The following STXBP5L variants were observed in gnomAD, a reference collection of about 807,000 sequenced individuals.
STXBP5L encodes syntaxin-binding protein 5-like.
STXBP5L carries 65 observed loss-of-function variants against 144.5 expected under a neutral mutation model. The observed-to-expected ratio is 0.45, with a 90% confidence interval of 0.37 to 0.55. STXBP5L has a LOEUF of 0.55. Among genes scored for constraint, STXBP5L ranks in the 20% least tolerant of loss-of-function variants. STXBP5L has a pLI of 0.00. For synonymous variants in STXBP5L, 505 were observed against 469.6 expected (o/e 1.08, Z -0.97); for missense variants, 1,298 against 1,405.5 (o/e 0.92, Z 1.22).
In STXBP5L at chr3:121,348,619, T is replaced by A. The variant is rs1432980473; in HGVS notation, c.2176+30079T>A. ...TTTTTGGTTGGTAAGCTATTAATTATTACCTCAATTTCAAAGCCTGTTATT... is the reference window on the plus strand; with the variant it reads ...TTTTTGGTTGGTAAGCTATTAATTAATACCTCAATTTCAAAGCCTGTTATT... On this transcript the variant is annotated intron_variant, in intron 20 of 26. Coordinates refer to ENST00000471454, the MANE Select transcript of STXBP5L (RefSeq NM_001308330.2). Among the ~76,000 whole-genome samples, 3 of 152,212 alleles carry A rather than the reference T, an allele frequency of 2.0e-5. No individual in the cohort carries two copies. In the East Asian group the frequency reaches 5.8e-4, roughly 29 times the overall value.
chr3:120,969,662 T>C (rs1289348597), intron 3 of STXBP5L, among the ~76,000 whole-genome samples: 6 of 152,084 alleles, frequency 3.9e-5, no homozygotes, highest in African/African-American at 1.4e-4. Flanking sequence ...CTTGTAGAAT[T>C]TTTATCGTTT....
chr3:121,328,187 T>C lies in STXBP5L; in HGVS notation c.2176+9647T>C, dbSNP rs901273222. Among the ~76,000 whole-genome samples the C allele has an allele frequency of 9.8e-5, 15 of 152,314 alleles. No individual in the cohort carries two copies. In the East Asian group the frequency reaches 2.7e-3, roughly 27 times the overall value. On this transcript the variant is annotated intron_variant, in intron 20 of 26. Transcript: ENST00000471454. ...ATAAATTATTTCTGACATGGAATAC[T>C]ATAGAATGACAATCTTTTCTTGCCA... is the stretch of plus-strand genomic sequence containing the variant.
At chr3:121,051,708 C>G (rs1948011328) in intron 5 of STXBP5L, among the ~76,000 whole-genome samples, 1 of 151,970 alleles carries the variant, frequency 6.6e-6, no homozygotes, top group African/African-American at 2.4e-5. Flanking sequence ...CATTCAAAAG[C>G]TAGCAGAAGG....
intron 6 of STXBP5L, among the ~76,000 whole-genome samples, chr3:121,119,418 A>G (rs1559768428): frequency 6.6e-6 from 1 of 151,412 alleles, no homozygotes; most frequent in Non-Finnish European, 1.5e-5. Context: ...ACAGGATACC[A>G]TAGAATATCA....
chr3:121,319,715 T>C (rs562869728), intron 20 of STXBP5L, among the ~76,000 whole-genome samples: 2 of 152,348 alleles, frequency 1.3e-5, no homozygotes, highest in Admixed American at 1.3e-4. Flanking sequence ...TGTTGTAAAA[T>C]TAATATTCTT....
At chr3:121,056,751 G>A (rs887792040) in intron 5 of STXBP5L, among the ~76,000 whole-genome samples, 1 of 151,882 alleles carries the variant, frequency 6.6e-6, no homozygotes, top group South Asian at 2.1e-4. Context: ...TAATTAATTT[G>A]TTTTTTCTTT....
At chr3:121,375,416 C>T (rs898325603) in intron 20 of STXBP5L, among the ~76,000 whole-genome samples, 2 of 152,088 alleles carry the variant, frequency 1.3e-5, no homozygotes, top group African/African-American at 4.8e-5. Flanking sequence ...TTTTACCTGA[C>T]CCTGTAGTCA....
At chr3:121,225,869 T>C (rs544920578) in intron 11 of STXBP5L, among the ~76,000 whole-genome samples, 5 of 152,326 alleles carry the variant, frequency 3.3e-5, no homozygotes, top group African/African-American at 1.2e-4. Flanking sequence ...TCCTCGTGCA[T>C]TATGAAGCCC....
At chr3:121,259,692 A>C (rs1389271797) in intron 18 of STXBP5L, among the ~76,000 whole-genome samples, 1 of 152,034 alleles carries the variant, frequency 6.6e-6, no homozygotes, top group Non-Finnish European at 1.5e-5. Context: ...TGTTACTTTA[A>C]ATATGTGTTT....
intron 20 of STXBP5L, among the ~76,000 whole-genome samples, chr3:121,330,194 G>A (rs1325492355): frequency 6.6e-6 from 1 of 152,204 alleles, no homozygotes. Context: ...TCTGAGTGCA[G>A]ACTGCTCAGA....
intron 5 of STXBP5L, chr3:121,099,069 A>C (rs2043283178): frequency 6.6e-6 from 1 of 152,210 alleles, no homozygotes; most frequent in African/African-American, 2.4e-5. Context: ...GTATCAATAA[A>C]GGGAGAATTC....
At chr3:121,052,374 G>A (rs541043008) in intron 5 of STXBP5L, among the ~76,000 whole-genome samples, 2 of 152,262 alleles carry the variant, frequency 1.3e-5, no homozygotes, top group South Asian at 2.1e-4. Flanking sequence ...GAATCCAGCA[G>A]CACATCAAAA....
intron 20 of STXBP5L, among the ~76,000 whole-genome samples, chr3:121,376,083 C>T (rs1002186616): frequency 2.0e-5 from 3 of 152,208 alleles, no homozygotes; most frequent in African/African-American, 4.8e-5. Flanking sequence ...ACAAGACCGA[C>T]AATCGTAATT....
At chr3:120,980,456 C>T (rs1486555528) in intron 3 of STXBP5L, among the ~76,000 whole-genome samples, 1 of 112,078 alleles carries the variant, frequency 8.9e-6, no homozygotes, top group African/African-American at 3.6e-5. Flanking sequence ...CATATAATGT[C>T]CTGCTTTTTT....
In STXBP5L at chr3:121,310,601, G is replaced by A. The variant is rs1012235567; in HGVS notation, c.2111-7874G>A. On this transcript the variant is annotated intron_variant, in intron 19 of 26. Coordinates refer to ENST00000471454, the MANE Select transcript of STXBP5L (RefSeq NM_001308330.2). Reference sequence around the variant, plus strand: ...CTGCACTCCAGCCTGGGTGACAGAGGGAGACTCCGCCTCAAAAACAAAAGA... The same window carrying A: ...CTGCACTCCAGCCTGGGTGACAGAGAGAGACTCCGCCTCAAAAACAAAAGA... 5.7e-4 allele frequency among the ~76,000 whole-genome samples: 83 copies of A among 144,848 alleles called. 1 individual carries two copies. The highest frequency in any genetic ancestry group is 2.0e-3 in the African/African-American group (78 of 38,750).
At chr3:121,306,347 G>T (rs945539950) in intron 19 of STXBP5L, among the ~76,000 whole-genome samples, 4 of 152,040 alleles carry the variant, frequency 2.6e-5, no homozygotes, top group Admixed American at 6.6e-5. Context: ...GCTCCCTTCT[G>T]ACCATTCCCC....
At chr3:121,262,699 C>T (rs760342616) in intron 18 of STXBP5L, among the ~76,000 whole-genome samples, 1 of 152,186 alleles carries the variant, frequency 6.6e-6, no homozygotes, top group Non-Finnish European at 1.5e-5. Flanking sequence ...TCTTCTCCAA[C>T]TGTTACCTTA....
At chr3:120,977,897 T>A (rs992647388) in intron 3 of STXBP5L, among the ~76,000 whole-genome samples, 28 of 152,362 alleles carry the variant, frequency 1.8e-4, no homozygotes, top group African/African-American at 6.7e-4. Context: ...GCTTGCAGAT[T>A]TTCTGCCAAG....
chr3:121,176,724 G>A (rs143615689), intron 9 of STXBP5L, among the ~76,000 whole-genome samples: 7 of 151,756 alleles, frequency 4.6e-5, no homozygotes, highest in African/African-American at 1.7e-4. Flanking sequence ...AAGAACAAAT[G>A]TTCTCATCTA....
Sources: allele counts gnomAD v4.1 joint callset (sites outside exome capture counted in the v4.1 genomes callset), GRCh38; gene constraint gnomAD v4.1.1; transcripts MANE v1.5; gene names NCBI Gene and HGNC (gene_info 2026-07-23, HGNC 2026-07-21).